SNTG2: variants seen among roughly 807,000 people sequenced by gnomAD.
The protein encoded by SNTG2 is gamma-2-syntrophin.
Under a neutral mutation model 70.9 loss-of-function variants are expected in SNTG2, and 74 were observed. The observed-to-expected ratio is 1.04, with a 90% CI of 0.86 to 1.27. The LOEUF is 1.27. Ranked by LOEUF, SNTG2 falls within the 50% of genes most tolerant of loss-of-function variation. The pLI, the probability that SNTG2 is intolerant of heterozygous loss-of-function variation, is 0.00. For missense variants in SNTG2, 717 were observed against 690.7 expected, an observed-to-expected ratio of 1.04 and a Z score of -0.43; for synonymous variants, 278 against 273.8, an observed-to-expected ratio of 1.02 and a Z score of -0.15.
intron 1 of SNTG2, among the ~76,000 whole-genome samples, chr2:1,003,690 A>G (rs556575818): frequency 3.3e-5 from 5 of 152,206 alleles, no homozygotes; most frequent in Admixed American, 6.5e-5. Flanking sequence ...TGTCCTAAGC[A>G]GCTATGAGTT....
At position 1,165,366 on chromosome 2, in the gene SNTG2, G is replaced by A. The variant is rs1462227440; in HGVS notation, c.412-182G>A. ...GCAGATAGAGTGTGGGGGGTAGGTG[G>A]TCTCGGAGGTGATAACCACTCTTCT... On this transcript the variant is annotated intron_variant, in intron 6 of 16. Coordinates refer to ENST00000308624, the MANE Select transcript of SNTG2 (RefSeq NM_018968.4). Among the ~76,000 whole-genome samples the A allele has an allele frequency of 3.3e-5, 5 of 152,112 alleles. No individual in the cohort carries two copies. The East Asian group carries it at 9.6e-4, about 29-fold the overall frequency.
chr2:1,281,309 T>A lies in SNTG2; in HGVS notation c.1284+13738T>A, dbSNP rs1456218563. Among the ~76,000 whole-genome samples the A allele has an allele frequency of 5.3e-4, 14 of 26,232 alleles. 2 individuals are homozygous for A. The highest frequency in any genetic ancestry group is 7.9e-4 in the Admixed American group (2 of 2,534). The allele number at this position is 26,232 out of a possible 152,430, so 17.2% of individuals were successfully genotyped here. ...TGTTTATGGTGTATATGGTGTGTGG[T>A]GTGTGTGTTTGTGTGGTGTGTGTGT... is the stretch of plus-strand genomic sequence containing the variant. On this transcript the variant is annotated intron_variant, in intron 14 of 16. Coordinates refer to ENST00000308624, the MANE Select transcript of SNTG2 (RefSeq NM_018968.4).
intron 1 of SNTG2, among the ~76,000 whole-genome samples, chr2:1,021,700 C>A (rs1392581564): frequency 6.6e-6 from 1 of 151,846 alleles, no homozygotes; most frequent in Non-Finnish European, 1.5e-5. Flanking sequence ...CCTCCTGGCA[C>A]CTCCTGGCTC....
At chr2:1,290,020 A>T (rs1679926277) in intron 14 of SNTG2, among the ~76,000 whole-genome samples, 1 of 152,212 alleles carries the variant, frequency 6.6e-6, no homozygotes, top group African/African-American at 2.4e-5. Context: ...CATTTTGTTT[A>T]TCCGTTCATC....
chr2:1,248,715 G>A (rs912764863), intron 12 of SNTG2, among the ~76,000 whole-genome samples: 7 of 152,182 alleles, frequency 4.6e-5, no homozygotes, highest in Admixed American at 1.3e-4. Flanking sequence ...TGAAAGACTC[G>A]GAGGAGGTGG....
intron 1 of SNTG2, among the ~76,000 whole-genome samples, chr2:956,143 G>A (rs1412672867): frequency 8.6e-5 from 2 of 23,186 alleles, no homozygotes; most frequent in Admixed American, 5.5e-4. Flanking sequence ...CACCCACCGC[G>A]CCCCGCCCCT....
chr2:964,366 C>T (rs1660458007), intron 1 of SNTG2, among the ~76,000 whole-genome samples: 1 of 152,172 alleles, frequency 6.6e-6, no homozygotes, highest in Non-Finnish European at 1.5e-5. Context: ...CCCTTCGTGC[C>T]AGGGTTACTG....
chr2:1,302,595 GAAATC>G (rs1680505452), intron 14 of SNTG2, among the ~76,000 whole-genome samples: 1 of 141,642 alleles, frequency 7.1e-6, no homozygotes, highest in Admixed American at 7.0e-5. Context: ...AAAAAAAAGA[GAAATC>G]AAAGACAGGA....
chr2:1,243,145 T>C (rs1364768079), intron 11 of SNTG2, among the ~76,000 whole-genome samples: 2 of 152,244 alleles, frequency 1.3e-5, no homozygotes, highest in Non-Finnish European at 2.9e-5. Context: ...CTAACAGGCA[T>C]TTCAGATTAC....
intron 4 of SNTG2, among the ~76,000 whole-genome samples, chr2:1,111,745 C>T (rs972052058): frequency 1.3e-5 from 2 of 151,856 alleles, no homozygotes; most frequent in South Asian, 2.1e-4. Context: ...TGAGAAGAAT[C>T]GTGTGTTCTA....
intron 8 of SNTG2, among the ~76,000 whole-genome samples, chr2:1,206,148 A>G (rs1283568015): frequency 6.6e-6 from 1 of 152,152 alleles, no homozygotes; most frequent in Non-Finnish European, 1.5e-5. Context: ...TCTGCAAGCT[A>G]TTGAGTTGAT....
intron 1 of SNTG2, among the ~76,000 whole-genome samples, chr2:1,010,853 T>C (rs1659710645): frequency 6.6e-6 from 1 of 152,206 alleles, no homozygotes; most frequent in African/African-American, 2.4e-5. Context: ...TCCAGAGCAC[T>C]TCAAGCTAGA....
chr2:1,125,495 C>T (rs1183765645), intron 4 of SNTG2, among the ~76,000 whole-genome samples: 1 of 152,140 alleles, frequency 6.6e-6, no homozygotes, highest in African/African-American at 2.4e-5. Flanking sequence ...TTGAAGTTTG[C>T]TGCTTTCTTC....
intron 16 of SNTG2, among the ~76,000 whole-genome samples, chr2:1,342,227 GTT>G (rs1660145872): frequency 1.2e-5 from 1 of 86,342 alleles, no homozygotes; most frequent in Non-Finnish European, 2.1e-5. Flanking sequence ...TATGAATTAT[GTT>G]ATGATTACAT....
intron 1 of SNTG2, among the ~76,000 whole-genome samples, chr2:966,816 G>A (rs555075717): frequency 2.0e-5 from 3 of 152,028 alleles, no homozygotes; most frequent in Non-Finnish European, 2.9e-5. Flanking sequence ...GCATGGTGGC[G>A]GGCGCCTGTA....
At position 1,239,722 on chromosome 2, in the gene SNTG2, T is replaced by C. The variant is rs778637287; in HGVS notation, c.850-16T>C. On this transcript the variant is annotated splice_polypyrimidine_tract_variant and intron_variant, in intron 10 of 16. Transcript: ENST00000308624. ...TTGGTGGCTGTGGCCCTGACTCTTC[T>C]GCCTTCTCTCCACAGATGAAGATGG... is the stretch of plus-strand genomic sequence containing the variant. The C allele has an allele frequency of 1.1e-5, 17 of 1,612,794 alleles. No homozygotes were observed. Among genetic ancestry groups the C allele is most frequent in the Non-Finnish European group, 1.4e-5 (16 of 1,179,542 alleles).
At chr2:1,161,998 C>T (rs28465470) in intron 6 of SNTG2, among the ~76,000 whole-genome samples, 111,391 of 148,354 alleles carry the variant, frequency 0.75, 42,408 homozygotes, top group Middle Eastern at 0.88. Flanking sequence ...TGTGTGAACC[C>T]GGGAGGCGGA....
chr2:1,300,011 G>A (rs1680381553), intron 14 of SNTG2, among the ~76,000 whole-genome samples: 1 of 150,850 alleles, frequency 6.6e-6, no homozygotes, highest in Non-Finnish European at 1.5e-5. Flanking sequence ...GGGCGTGCAA[G>A]ACAGGTGCCT....
chr2:1,190,030 G>A (rs769760206), intron 8 of SNTG2, among the ~76,000 whole-genome samples: 1 of 152,026 alleles, frequency 6.6e-6, no homozygotes, highest in Non-Finnish European at 1.5e-5. Context: ...GAAAGGGAAA[G>A]ACTGTTCATC....
Sources: allele counts gnomAD v4.1 joint callset (sites outside exome capture counted in the v4.1 genomes callset), GRCh38; gene constraint gnomAD v4.1.1; transcripts MANE v1.5; gene names NCBI Gene and HGNC (gene_info 2026-07-23, HGNC 2026-07-21).